Variants in NEDD4L observed in about 807,000 individuals in gnomAD.
NEDD4L encodes E3 ubiquitin-protein ligase NEDD4-like.
NEDD4L carries 54 observed loss-of-function variants against 148.9 expected under a neutral mutation model. The ratio of observed to expected loss-of-function variants is 0.36; its 90% CI spans 0.29 to 0.45. The LOEUF (loss-of-function observed/expected upper bound fraction) is 0.45, where lower values mean the gene tolerates loss of function less well. Ranked by LOEUF, NEDD4L falls within the 20% of genes least tolerant of loss-of-function variation. The pLI is 1.00. For synonymous variants in NEDD4L, 433 were observed against 440.7 expected, an observed-to-expected ratio of 0.98 and a Z score of 0.22; for missense variants, 856 against 1,233.8, an observed-to-expected ratio of 0.69 and a Z score of 4.59.
intron 1 of NEDD4L, among the ~76,000 whole-genome samples, chr18:58,139,653 A>G (rs1482090061): frequency 1.3e-5 from 2 of 152,208 alleles, no homozygotes; most frequent in Non-Finnish European, 2.9e-5. Context: ...TCTGTGTTAC[A>G]TGATTACAGC....
chr18:58,279,411 G>A (rs1297858841), intron 5 of NEDD4L, among the ~76,000 whole-genome samples: 1 of 152,196 alleles, frequency 6.6e-6, no homozygotes, highest in Non-Finnish European at 1.5e-5. Flanking sequence ...GATGAAAGGT[G>A]CGACCAAGGG....
chr18:58,204,451 G>A (rs1030173020), intron 2 of NEDD4L, among the ~76,000 whole-genome samples: 1 of 152,166 alleles, frequency 6.6e-6, no homozygotes, highest in African/African-American at 2.4e-5. Flanking sequence ...TGCTTTTGGT[G>A]TATATGTGAC....
chr18:58,365,951 G>A (rs768625672), intron 20 of NEDD4L, 48 bp from the exon 21 acceptor site: 21 of 1,292,046 alleles, frequency 1.6e-5, no homozygotes, highest in Non-Finnish European at 2.2e-5. Context: ...AGAAAACAAA[G>A]TGTGTATTTA....
At chr18:58,332,312 C>T (rs1191975442) in intron 11 of NEDD4L, among the ~76,000 whole-genome samples, 2 of 152,046 alleles carry the variant, frequency 1.3e-5, no homozygotes, top group East Asian at 1.9e-4. Context: ...AGAGTCAAAT[C>T]GGATATTTGC....
intron 19 of NEDD4L, among the ~76,000 whole-genome samples, chr18:58,363,788 T>C (rs1426164204): frequency 6.6e-6 from 1 of 152,248 alleles, no homozygotes; most frequent in Non-Finnish European, 1.5e-5. Context: ...TATTCCTTGA[T>C]AGGAGTGTCA....
intron 5 of NEDD4L, among the ~76,000 whole-genome samples, chr18:58,259,759 T>C (rs2049101394): frequency 1.3e-5 from 2 of 152,230 alleles, no homozygotes; most frequent in Non-Finnish European, 2.9e-5. Context: ...TAACACCTAC[T>C]GCATATGCTA....
At position 58,350,887 on chromosome 18, in the gene NEDD4L, A is replaced by G; in HGVS notation, c.1654-104A>G. 3.7e-6 allele frequency: 3 copies of G among 811,890 alleles called. No homozygotes were observed. In the Admixed American group the frequency reaches 7.2e-5, roughly 20 times the overall value. 50.3% of individuals were successfully genotyped at this position (811,890 alleles called of 1,614,324 possible). A position where few individuals can be genotyped will look rare whatever the true frequency, so the allele number is the denominator to read the frequency against. On this transcript the variant is annotated intron_variant, in intron 17 of 30. Transcript: ENST00000400345. ...TCAATGCATAAATGTACCCTAGCAG[A>G]AAAGAGTACAGAGGTGTTCTATAGT...
intron 1 of NEDD4L, among the ~76,000 whole-genome samples, chr18:58,139,324 C>G (rs11872836): frequency 4.7e-4 from 69 of 146,552 alleles, no homozygotes; most frequent in African/African-American, 1.5e-3. Context: ...AGGAGACCCT[C>G]AGATACATTT....
chr18:58,292,567 G>C (rs141303756), intron 5 of NEDD4L, among the ~76,000 whole-genome samples: 1 of 152,218 alleles, frequency 6.6e-6, no homozygotes, highest in African/African-American at 2.4e-5. Flanking sequence ...TTTTTACCTT[G>C]CTCCTGGCTC....
At chr18:58,309,528 G>A (rs2057433160) in intron 5 of NEDD4L, among the ~76,000 whole-genome samples, 1 of 152,094 alleles carries the variant, frequency 6.6e-6, no homozygotes, top group African/African-American at 2.4e-5. Flanking sequence ...TGTGCGGGGA[G>A]AGATGCCTCC....
At chr18:58,326,672 C>A (rs148175665) in intron 9 of NEDD4L, among the ~76,000 whole-genome samples, 1 of 152,120 alleles carries the variant, frequency 6.6e-6, no homozygotes, top group Non-Finnish European at 1.5e-5. Context: ...GATCCTCATG[C>A]GACCTCTGCA....
intron 1 of NEDD4L, among the ~76,000 whole-genome samples, chr18:58,165,359 C>T (rs2036716065): frequency 6.6e-6 from 1 of 152,180 alleles, no homozygotes; most frequent in Non-Finnish European, 1.5e-5. Context: ...TGTTTTACCA[C>T]ATTAAATTCT....
intron 1 of NEDD4L, among the ~76,000 whole-genome samples, chr18:58,104,900 G>A (rs1330265822): frequency 1.2e-4 from 15 of 122,308 alleles, no homozygotes; most frequent in African/African-American, 4.7e-4. Context: ...ACCCATTACA[G>A]CACGTTGTTG....
At chr18:58,391,393 C>T in intron 29 of NEDD4L, 94 bp from the exon 30 acceptor site, 5 of 1,014,052 alleles carry the variant, frequency 4.9e-6, no homozygotes, top group Non-Finnish European at 7.6e-6. Context: ...TGGGGGCAAA[C>T]CCTGCCCTGA....
chr18:58,391,109 A>C (rs1029581569), intron 29 of NEDD4L, among the ~76,000 whole-genome samples: 1 of 152,156 alleles, frequency 6.6e-6, no homozygotes, highest in African/African-American at 2.4e-5. Context: ...AGTGTTTACC[A>C]TAGATTTAAA....
chr18:58,180,554 C>T (rs1471995556), intron 2 of NEDD4L, among the ~76,000 whole-genome samples: 2 of 152,216 alleles, frequency 1.3e-5, no homozygotes, highest in Non-Finnish European at 2.9e-5. Flanking sequence ...TTGGCTCTGC[C>T]TCCCCACCCC....
At chr18:58,350,760 G>A (rs539821792) in intron 17 of NEDD4L, among the ~76,000 whole-genome samples, 3 of 152,256 alleles carry the variant, frequency 2.0e-5, no homozygotes, top group Admixed American at 6.5e-5. Flanking sequence ...GCCCATTTCC[G>A]GTTCTTCATA....
chr18:58,087,732 G>T (rs544023099), intron 1 of NEDD4L, among the ~76,000 whole-genome samples: 1 of 152,226 alleles, frequency 6.6e-6, no homozygotes, highest in Admixed American at 6.5e-5. Context: ...AAATTAGCTG[G>T]GTGTGGTGGT....
intron 1 of NEDD4L, among the ~76,000 whole-genome samples, chr18:58,081,351 G>A (rs2083422472): frequency 6.6e-6 from 1 of 151,644 alleles, no homozygotes; most frequent in South Asian, 2.1e-4. Flanking sequence ...GTGTAGCTGG[G>A]ACTACAGGTG....
Sources: gnomAD v4.1 joint callset for allele counts (sites outside exome capture counted in the v4.1 genomes callset) on GRCh38, gnomAD v4.1.1 for gene constraint, MANE v1.5 for transcripts, NCBI Gene and HGNC (gene_info 2026-07-23, HGNC 2026-07-21) for gene names.